HDAC9: variants seen among roughly 807,000 people sequenced by gnomAD.
The protein encoded by HDAC9 is MEF-2 interacting transcription repressor (MITR) protein.
In HDAC9, 41 loss-of-function variants were observed where a neutral mutation model predicts 139.4. That is an observed-to-expected ratio of 0.29 (90% CI 0.23 to 0.38). HDAC9 has a LOEUF of 0.38. HDAC9 is among the 10% of genes least tolerant of loss of function. HDAC9 has a pLI of 1.00. For synonymous variants in HDAC9, 517 were observed against 476.2 expected (o/e 1.09, Z -1.12); for missense variants, 1,147 against 1,297.0 (o/e 0.88, Z 1.78).
intron 2 of HDAC9, among the ~76,000 whole-genome samples, chr7:18,179,725 G>A (rs929204457): frequency 6.6e-5 from 10 of 152,168 alleles, no homozygotes; most frequent in African/African-American, 2.2e-4. Context: ...GGACTTAAAC[G>A]CAGCTCTGGA....
chr7:18,140,236 G>A (rs973365322), intron 1 of HDAC9, among the ~76,000 whole-genome samples: 1 of 152,148 alleles, frequency 6.6e-6, no homozygotes, highest in African/African-American at 2.4e-5. Flanking sequence ...GGAAAACAGT[G>A]ACAGCATATT....
intron 25 of HDAC9, among the ~76,000 whole-genome samples, chr7:18,991,823 T>C (rs1468265248): frequency 6.6e-6 from 1 of 152,230 alleles, no homozygotes; most frequent in Non-Finnish European, 1.5e-5. Flanking sequence ...GGTATTGTTT[T>C]ACATATATTA....
chr7:18,204,343 T>G (rs1791347751), intron 2 of HDAC9, among the ~76,000 whole-genome samples: 1 of 151,440 alleles, frequency 6.6e-6, no homozygotes, highest in Admixed American at 6.6e-5. Flanking sequence ...TTTTTTTTTT[T>G]TTTTTTTGGA....
intron 22 of HDAC9, among the ~76,000 whole-genome samples, chr7:18,886,547 T>C (rs139492735): frequency 2.8e-4 from 43 of 152,322 alleles, no homozygotes; most frequent in African/African-American, 9.9e-4. Flanking sequence ...TTTTTAATTT[T>C]CATAGTGGTA....
At chr7:18,333,280 T>A (rs755302791) in intron 1 of HDAC9, among the ~76,000 whole-genome samples, 3 of 151,432 alleles carry the variant, frequency 2.0e-5, no homozygotes, top group Admixed American at 6.6e-5. Context: ...TGGGGAGATT[T>A]AGGCCAAAGA....
At chr7:18,245,978 A>G (rs550415053) in intron 2 of HDAC9, among the ~76,000 whole-genome samples, 37 of 151,908 alleles carry the variant, frequency 2.4e-4, no homozygotes, top group African/African-American at 7.2e-4. Flanking sequence ...TTCACAGATA[A>G]TCACTGAGTC....
intron 25 of HDAC9, among the ~76,000 whole-genome samples, chr7:18,981,440 A>G (rs1227686293): frequency 2.6e-5 from 4 of 152,168 alleles, no homozygotes; most frequent in African/African-American, 9.6e-5. Context: ...TAAAACACAC[A>G]AAGTTTGTCA....
intron 16 of HDAC9, among the ~76,000 whole-genome samples, chr7:18,769,941 A>T (rs1433532748): frequency 6.6e-6 from 1 of 152,146 alleles, no homozygotes; most frequent in African/African-American, 2.4e-5. Flanking sequence ...ATACTCAGTG[A>T]TCCCCAATTG....
At position 18,647,679 on chromosome 7, in the gene HDAC9, T is replaced by A. The variant is rs143797768; in HGVS notation, c.1036-106T>A. 284 of 922,340 alleles carry A rather than the reference T, an allele frequency of 3.1e-4. 1 individual carries two copies. The African/African-American group carries it at 4.4e-3, about 14-fold the overall frequency. The allele number at this position is 922,340 out of a possible 1,614,324, so 57.1% of individuals were successfully genotyped here. ...GCTCAGCCATTGGGTAAGATGGGGCTTTTGTTTTGGGAAGCTACAGCATAG... is the reference window on the plus strand; with the variant it reads ...GCTCAGCCATTGGGTAAGATGGGGCATTTGTTTTGGGAAGCTACAGCATAG... On this transcript the variant is annotated intron_variant, in intron 9 of 25. Coordinates refer to ENST00000686413, the MANE Select transcript of HDAC9 (RefSeq NM_178425.4).
At chr7:18,435,059 C>CAAAAAAAAAAAA (rs376786180) in intron 1 of HDAC9, among the ~76,000 whole-genome samples, 16 of 67,796 alleles carry the variant, frequency 2.4e-4, no homozygotes, top group Non-Finnish European at 2.9e-4. Flanking sequence ...ACTACACAGC[C>CAAAAAAAAAAAA]AAAAAAAAAA....
chr7:18,973,655 A>C (rs1166297719), intron 24 of HDAC9, among the ~76,000 whole-genome samples: 2 of 152,216 alleles, frequency 1.3e-5, no homozygotes, highest in African/African-American at 4.8e-5. Flanking sequence ...ATTGTGATCT[A>C]GCGAAACTAG....
chr7:18,609,494 C>A (rs1460174339), intron 6 of HDAC9, among the ~76,000 whole-genome samples: 1 of 152,148 alleles, frequency 6.6e-6, no homozygotes, highest in Non-Finnish European at 1.5e-5. Context: ...AGACAGAGTT[C>A]ACTAATCAGT....
intron 1 of HDAC9, among the ~76,000 whole-genome samples, chr7:18,425,821 A>G (rs1182415974): frequency 6.6e-6 from 1 of 152,202 alleles, no homozygotes; most frequent in Non-Finnish European, 1.5e-5. Flanking sequence ...CCTGTGATCT[A>G]TGCATATAGG....
At chr7:18,255,094 G>A (rs552189953) in intron 2 of HDAC9, among the ~76,000 whole-genome samples, 1 of 152,222 alleles carries the variant, frequency 6.6e-6, no homozygotes, top group African/African-American at 2.4e-5. Flanking sequence ...CATGCCTCTT[G>A]GTTGTTGGAT....
intron 2 of HDAC9, among the ~76,000 whole-genome samples, chr7:18,208,753 C>T (rs1021889392): frequency 1.6e-4 from 24 of 151,970 alleles, no homozygotes; most frequent in Admixed American, 1.6e-3. Context: ...TTTTATCTAG[C>T]TGTCAATGAG....
chr7:18,262,693 C>T (rs1206572489), intron 2 of HDAC9, among the ~76,000 whole-genome samples: 1 of 151,986 alleles, frequency 6.6e-6, no homozygotes, highest in African/African-American at 2.4e-5. Context: ...ATAGTGTATT[C>T]AGAAGTAATT....
In HDAC9 at chr7:18,732,916, T is replaced by TAC. The variant is rs748425440; in HGVS notation, c.1909+5160_1909+5161insCA. On this transcript the variant is annotated intron_variant, in intron 13 of 25. Coordinates refer to ENST00000686413, the MANE Select transcript of HDAC9 (RefSeq NM_178425.4). The stretch of plus-strand genomic sequence containing the variant: ...GTACACACACACGTGTGCGTATGTG[T>TAC]ATACACACGTGTGTATGTATGTGTA... 5.5e-3 allele frequency among the ~76,000 whole-genome samples: 701 copies of TAC among 127,398 alleles called. 156 individuals carry two copies. The highest frequency in any genetic ancestry group is 0.018 in the African/African-American group (564 of 31,908). 83.6% of individuals were successfully genotyped at this position (127,398 alleles called of 152,430 possible).
chr7:18,117,992 C>T (rs191215907), intron 1 of HDAC9, among the ~76,000 whole-genome samples: 9 of 152,186 alleles, frequency 5.9e-5, no homozygotes, highest in African/African-American at 2.2e-4. Flanking sequence ...CCTCCCCCTT[C>T]ATCACTTACA....
chr7:18,491,767 C>G (rs1586264052), upstream of HDAC9, among the ~76,000 whole-genome samples: 1 of 151,970 alleles, frequency 6.6e-6, no homozygotes, highest in South Asian at 2.1e-4. Context: ...AGTTCTCAGA[C>G]AGAAACCAGT....
Sources: gnomAD v4.1 joint callset for allele counts (sites outside exome capture counted in the v4.1 genomes callset) on GRCh38, gnomAD v4.1.1 for gene constraint, MANE v1.5 for transcripts, NCBI Gene and HGNC (gene_info 2026-07-23, HGNC 2026-07-21) for gene names.